Variants in CEP126 observed in about 807,000 individuals in gnomAD.
The protein encoded by CEP126 is centrosomal protein 126, also known as centrosomal protein of 126 kDa.
In CEP126, 74 loss-of-function variants were observed where a neutral mutation model predicts 107.8. That is an observed-to-expected ratio of 0.69 (90% confidence interval 0.57 to 0.83). The LOEUF is 0.83. Among genes scored for constraint, CEP126 ranks in the 40% least tolerant of loss-of-function variants. CEP126 has a pLI of 0.00. For missense variants in CEP126, 1,237 were observed against 1,281.9 expected (o/e 0.96, Z 0.53); for synonymous variants, 449 against 446.0 (o/e 1.01, Z -0.08).
chr11:101,941,146 A>G (rs1248088266), intron 2 of CEP126, among the ~76,000 whole-genome samples: 1 of 152,190 alleles, frequency 6.6e-6, no homozygotes, highest in Non-Finnish European at 1.5e-5. Flanking sequence ...AGAATACTCT[A>G]TTATGACTCT....
Position 101,915,395 on chromosome 11 carries a change from C to G in CEP126, c.111C>G (p.His37Gln), listed in dbSNP as rs536297070. The part of the protein sequence containing the change: ...PLGPRESGGH[H>Q]RPGSYLDMKI... ...GCCCTCGGGAGAGCGGCGGGCATCA[C>G]CGACCTGGCTCTTACCTGTATCCTT... Residue 37 changes from histidine (H) to glutamine (Q), a missense_variant, in exon 1 of 11, where the codon CAC (histidine) becomes CAG (glutamine). This residue lies in a region of CEP126 where 1,134 missense variants were observed against 1,150.5 expected (regional missense o/e 0.99). Coordinates refer to ENST00000263468, the MANE Select transcript of CEP126 (RefSeq NM_020802.4). The G allele has an allele frequency of 1.5e-4, 240 of 1,613,338 alleles. 6 individuals carry two copies. In the South Asian group the frequency reaches 2.4e-3, roughly 16 times the overall value.
chr11:101,977,309 G>A (rs1165165059), intron 6 of CEP126, among the ~76,000 whole-genome samples: 1 of 152,024 alleles, frequency 6.6e-6, no homozygotes, highest in Non-Finnish European at 1.5e-5. Flanking sequence ...CTGTGATTTT[G>A]CAAGAATATG....
At position 101,938,159 on chromosome 11, in the gene CEP126, C is replaced by CAAAAAAAAAAAAA. The variant is rs1491167740; in HGVS notation, c.249-6101_249-6089dup. ...TGGGCGACAGAGCGAGACTCTGTCT[C>CAAAAAAAAAAAAA]AAAAAAAAAAAAAAAAATACAAGAA... On this transcript the variant is annotated intron_variant, in intron 2 of 10. Transcript: ENST00000263468. Among the ~76,000 whole-genome samples the CAAAAAAAAAAAAA allele has an allele frequency of 7.5e-3, 294 of 39,160 alleles. 10 individuals carry two copies. The highest frequency in any genetic ancestry group is 0.012 in the Non-Finnish European group (226 of 18,708). The allele number at this position is 39,160 out of a possible 152,430, so 25.7% of individuals were successfully genotyped here. A position where few individuals can be genotyped will look rare whatever the true frequency, so the allele number is the denominator to read the frequency against.
chr11:101,946,135 T>G (rs927829015), intron 3 of CEP126, among the ~76,000 whole-genome samples: 10 of 152,148 alleles, frequency 6.6e-5, no homozygotes, highest in Non-Finnish European at 1.5e-4. Context: ...TCCATATCCA[T>G]ATTCATCCTT....
intron 7 of CEP126, among the ~76,000 whole-genome samples, 159 bp downstream of exon 7, chr11:101,978,618 T>C (rs1037031497): frequency 6.6e-6 from 1 of 152,170 alleles, no homozygotes; most frequent in African/African-American, 2.4e-5. Context: ...ATCTTTATGC[T>C]AGGAGATTAT....
At chr11:101,927,221 G>A (rs1333783367) in intron 2 of CEP126, among the ~76,000 whole-genome samples, 1 of 152,162 alleles carries the variant, frequency 6.6e-6, no homozygotes, top group African/African-American at 2.4e-5. Context: ...AGAATCTCCT[G>A]AACCTGGGAG....
At chr11:101,977,022 T>C (rs1205496261) in intron 6 of CEP126, among the ~76,000 whole-genome samples, 3 of 152,208 alleles carry the variant, frequency 2.0e-5, no homozygotes, top group Admixed American at 1.3e-4. Context: ...TGTACTAATA[T>C]ATACATTAAG....
At chr11:101,943,310 A>G (rs1365963326) in intron 2 of CEP126, among the ~76,000 whole-genome samples, 2 of 152,016 alleles carry the variant, frequency 1.3e-5, no homozygotes, top group Admixed American at 6.6e-5. Flanking sequence ...GAAAGTATAT[A>G]TAGTTCCCTT....
rs1941003845 is a variant in CEP126 at position 101,963,091 on chromosome 11, A to T, written c.2056A>T (p.Thr686Ser). 1 of 1,614,036 alleles carries T rather than the reference A, an allele frequency of 6.2e-7. No homozygotes were observed. Among genetic ancestry groups the T allele is most frequent in the Non-Finnish European group, 8.5e-7 (1 of 1,180,000 alleles). Residue 686 changes from threonine (T) to serine (S), a missense_variant, in exon 6 of 11, where the codon ACA (threonine) becomes TCA (serine). Around this residue, in one of 3 missense-constraint regions of CEP126, gnomAD observed 1,134 missense variants for 1,150.5 expected, o/e 0.99. Transcript: ENST00000263468. ...TACTTGTGCTGTAAATTCTGCTGAT[A>T]CAAAGAAGTCCAGGGAGGATTCTAT... ...VSTCAVNSAD[T>S]KKSREDSISE... is the part of the protein sequence containing the mutation.
At chr11:101,921,609 A>C (rs1940327061) in intron 1 of CEP126, among the ~76,000 whole-genome samples, 1 of 148,076 alleles carries the variant, frequency 6.8e-6, no homozygotes, top group Non-Finnish European at 1.5e-5. Context: ...TGGGAGGCTG[A>C]GGCAGAAGAA....
Position 101,930,958 on chromosome 11 carries a change from A to G in CEP126, c.248+8198A>G, listed in dbSNP as rs184594597. ...CGGGAGAAATAGAAAAAGTATGTCT[A>G]CCTCCATTTTCCCAGAAGCAGAATT... On this transcript the variant is annotated intron_variant, in intron 2 of 10. Coordinates refer to ENST00000263468, the MANE Select transcript of CEP126 (RefSeq NM_020802.4). 1.3e-3 allele frequency among the ~76,000 whole-genome samples: 201 copies of G among 151,970 alleles called. 1 individual carries two copies. Among genetic ancestry groups the G allele is most frequent in the African/African-American group, 4.4e-3 (182 of 41,464 alleles).
In CEP126 at chr11:101,963,687, A is replaced by C; in HGVS notation, c.2652A>C (p.Gln884His). 6.2e-7 allele frequency: 1 copy of C among 1,614,114 alleles called. No homozygotes were observed. Among genetic ancestry groups the C allele is most frequent in the Non-Finnish European group, 8.5e-7 (1 of 1,180,034 alleles). Residue 884 changes from glutamine to histidine, a missense_variant, in exon 6 of 11, where the codon CAA becomes CAC. Around this residue, in one of 3 missense-constraint regions of CEP126, gnomAD observed 1,134 missense variants for 1,150.5 expected, o/e 0.99. Coordinates refer to ENST00000263468, the MANE Select transcript of CEP126 (RefSeq NM_020802.4). ...SLPSYCSSEC[Q>H]TFAKINHSNG... ...CATCATATTGTTCTTCAGAGTGCCA[A>C]ACTTTCGCAAAAATAAATCATTCAA...
chr11:101,986,065 C>T (rs1226297978), intron 8 of CEP126, among the ~76,000 whole-genome samples: 3 of 149,914 alleles, frequency 2.0e-5, no homozygotes, highest in Non-Finnish European at 4.4e-5. Context: ...TCACTGCAAC[C>T]TCCACCTCCT....
intron 5 of CEP126, among the ~76,000 whole-genome samples, chr11:101,960,992 C>A (rs1209279980): frequency 1.3e-5 from 2 of 152,014 alleles, no homozygotes; most frequent in African/African-American, 2.4e-5. Context: ...TAAAGACTGA[C>A]AAATTTCATG....
At chr11:101,960,950 T>G (rs1940961626) in intron 5 of CEP126, among the ~76,000 whole-genome samples, 1 of 152,116 alleles carries the variant, frequency 6.6e-6, no homozygotes, top group Non-Finnish European at 1.5e-5. Context: ...TTTAAACATT[T>G]ACCATACATT....
chr11:101,978,336 ATTTG>A lies in CEP126; in HGVS notation c.2846-7_2846-4del, dbSNP rs775806200. On this transcript the variant is annotated splice_region_variant and splice_polypyrimidine_tract_variant and intron_variant, in intron 6 of 10. Coordinates refer to ENST00000263468, the MANE Select transcript of CEP126 (RefSeq NM_020802.4). ...GCATAATTTTTAACATTGTGCTGGC[ATTTG>A]TTTAAGGGTCTACTGTTATGAGAAG... The A allele has an allele frequency of 4.4e-6, 7 of 1,574,066 alleles. No homozygotes were observed. Among genetic ancestry groups the A allele is most frequent in the Non-Finnish European group, 5.2e-6 (6 of 1,147,422 alleles).
chr11:101,942,206 C>T (rs747392480), intron 2 of CEP126, among the ~76,000 whole-genome samples: 12 of 152,070 alleles, frequency 7.9e-5, no homozygotes, highest in Non-Finnish European at 1.6e-4. Flanking sequence ...TATTGTCAAA[C>T]TCAATGTCAT....
Position 101,915,156 on chromosome 11 carries a change from C to A in CEP126, c.-129C>A. 2 of 1,428,660 alleles carry A rather than the reference C, an allele frequency of 1.4e-6. No homozygotes were observed. Among genetic ancestry groups the A allele is most frequent in the South Asian group, 1.3e-5 (1 of 74,246 alleles). 88.5% of individuals were successfully genotyped at this position (1,428,660 alleles called of 1,614,324 possible). A position where few individuals can be genotyped will look rare whatever the true frequency, so the allele number is the denominator to read the frequency against. ...GGGAGCTAGGGCTGTCGAGGCCAAC[C>A]CTTCCGCGCCCGTGACGCGGGGCCT... is the stretch of plus-strand genomic sequence containing the variant. On this transcript the variant is annotated 5_prime_UTR_variant, in exon 1 of 11. Coordinates refer to ENST00000263468, the MANE Select transcript of CEP126 (RefSeq NM_020802.4).
Position 102,001,022 on chromosome 11 carries a change from A to C in CEP126, c.*3379A>C, listed in dbSNP as rs1250685051. On this transcript the variant is annotated 3_prime_UTR_variant, in exon 11 of 11. Transcript: ENST00000263468. ...GGACTAAATTTTGTCAATTTCATGTAATTTACCCTTTGCAATAAAAATGAT... is the reference window on the plus strand; with the variant it reads ...GGACTAAATTTTGTCAATTTCATGTCATTTACCCTTTGCAATAAAAATGAT... 6.6e-6 allele frequency: 1 copy of C among 152,162 alleles called. No individual in the cohort carries two copies. Among genetic ancestry groups the C allele is most frequent in the Non-Finnish European group, 1.5e-5 (1 of 68,024 alleles). The allele number at this position is 152,162 out of a possible 1,614,324, so 9.4% of individuals were successfully genotyped here. A position where few individuals can be genotyped will look rare whatever the true frequency, so the allele number is the denominator to read the frequency against.
Sources: allele counts gnomAD v4.1 joint callset (sites outside exome capture counted in the v4.1 genomes callset), GRCh38; gene constraint gnomAD v4.1.1; regional missense constraint gnomAD v4.1.1; transcripts MANE v1.5; gene names NCBI Gene and HGNC (gene_info 2026-07-23, HGNC 2026-07-21).